ADCY7: variants seen among roughly 807,000 people sequenced by gnomAD.
ADCY7 encodes the protein adenylate cyclase 7, also known as adenylate cyclase type 7.
A neutral mutation model predicts 120.6 loss-of-function variants in ADCY7; 72 were observed. The ratio of observed to expected loss-of-function variants is 0.60; its 90% CI spans 0.49 to 0.73. The LOEUF is 0.73. Among genes scored for constraint, ADCY7 ranks in the 30% least tolerant of loss-of-function variants. The probability of loss-of-function intolerance (pLI) is 0.00; values close to 1 mark genes in which losing one functional copy is unlikely to be tolerated. For missense variants in ADCY7, 1,227 were observed against 1,486.0 expected, an observed-to-expected ratio of 0.83 and a Z score of 2.87; for synonymous variants, 661 against 628.0, an observed-to-expected ratio of 1.05 and a Z score of -0.78.
At chr16:50,257,450 G>A (rs1018035278) in intron 1 of ADCY7, among the ~76,000 whole-genome samples, 2 of 151,870 alleles carry the variant, frequency 1.3e-5, no homozygotes, top group African/African-American at 4.8e-5. Flanking sequence ...TTACTAAGAG[G>A]GTAATTTCAA....
chr16:50,294,785 G>A (rs1337664309), intron 7 of ADCY7, 34 bp downstream of exon 7: 1 of 1,510,106 alleles, frequency 6.6e-7, no homozygotes, highest in South Asian at 1.2e-5. Flanking sequence ...GCAAAGCCAG[G>A]CCCCTCCCCT....
At chr16:50,290,095 G>A (rs568599348) in intron 2 of ADCY7, among the ~76,000 whole-genome samples, 30 of 152,342 alleles carry the variant, frequency 2.0e-4, no homozygotes, top group African/African-American at 7.2e-4. Flanking sequence ...CTCTTTGGGC[G>A]GCTTTACAAG....
At chr16:50,299,466 C>T (rs729229) in intron 8 of ADCY7, among the ~76,000 whole-genome samples, 25 of 152,222 alleles carry the variant, frequency 1.6e-4, no homozygotes, top group Non-Finnish European at 2.6e-4. Flanking sequence ...GGAGACCCCC[C>T]GCTCCCCTCT....
chr16:50,312,761 C>G, intron 21 of ADCY7, 129 bp from the exon 22 acceptor site: 8 of 719,310 alleles, frequency 1.1e-5, no homozygotes, highest in East Asian at 4.1e-5. Context: ...TCATGCAGCC[C>G]GCCCCCCTCC....
intron 1 of ADCY7, chr16:50,274,009 C>T (rs566555428): frequency 1.0e-4 from 16 of 152,458 alleles, no homozygotes; most frequent in African/African-American, 3.6e-4. Context: ...GGTGGCAGCT[C>T]AGGTTGGCCC....
At position 50,316,538 on chromosome 16, in the gene ADCY7, G is replaced by GCTAA. The variant is rs1207753860; in HGVS notation, c.*1036_*1039dup. On this transcript the variant is annotated 3_prime_UTR_variant, in exon 26 of 26. Coordinates refer to ENST00000673801, the MANE Select transcript of ADCY7 (RefSeq NM_001114.5). ...TCTCTTCTTTCCTTTAGTCTTCACA[G>GCTAA]CTAACTCTGGAGAGCTTCAAAACTA... is the stretch of plus-strand genomic sequence containing the variant. 3.3e-5 allele frequency: 5 copies of GCTAA among 152,336 alleles called. No homozygotes were observed. Among genetic ancestry groups the GCTAA allele is most frequent in the Admixed American group, 6.5e-5 (1 of 15,286 alleles). The allele number at this position is 152,336 out of a possible 1,614,324, so 9.4% of individuals were successfully genotyped here. A position where few individuals can be genotyped will look rare whatever the true frequency, so the allele number is the denominator to read the frequency against.
intron 1 of ADCY7, among the ~76,000 whole-genome samples, chr16:50,275,836 G>A: frequency 6.6e-6 from 1 of 152,220 alleles, no homozygotes; most frequent in Admixed American, 6.5e-5. Context: ...TGGGCTTGGA[G>A]GTTAAGGTCC....
chr16:50,305,142 C>T (rs1371959533), intron 12 of ADCY7, among the ~76,000 whole-genome samples, 183 bp downstream of exon 12: 1 of 152,250 alleles, frequency 6.6e-6, no homozygotes, highest in Non-Finnish European at 1.5e-5. Flanking sequence ...GGCCCTTCTG[C>T]ATGGCCACAT....
In ADCY7 at chr16:50,314,345, C is replaced by T. The variant is rs766125018; in HGVS notation, c.2910C>T (p.Ala970=). The change falls in exon 24 of 26, where the codon GCC becomes GCT. Residue 970 remains alanine (A), a synonymous_variant. Coordinates refer to ENST00000673801, the MANE Select transcript of ADCY7 (RefSeq NM_001114.5). ...GTGTCATGGTGGAGTTCAGCATCGC[C>T]CTGATGAGTAAGCTGGACGGCATCA... ...HIGVMVEFSI[A]LMSKLDGINR... 2.5e-6 allele frequency: 4 copies of T among 1,614,042 alleles called. No individual in the cohort carries two copies. Among genetic ancestry groups the T allele is most frequent in the East Asian group, 4.5e-5 (2 of 44,880 alleles).
chr16:50,247,176 CAGTG>C (rs1187528565), intron 1 of ADCY7, among the ~76,000 whole-genome samples: 3 of 152,270 alleles, frequency 2.0e-5, no homozygotes, highest in Admixed American at 2.0e-4. Context: ...TTCTCAGGTT[CAGTG>C]AATGCCTTCA....
chr16:50,294,501 T>C (rs1326740505), intron 6 of ADCY7, 139 bp from the exon 7 acceptor site: 4 of 603,754 alleles, frequency 6.6e-6, no homozygotes, highest in Non-Finnish European at 1.2e-5. Flanking sequence ...CTCCCATCCC[T>C]ATGGAGGCTG....
At chr16:50,305,888 G>T in intron 14 of ADCY7, 39 bp downstream of exon 14, 3 of 1,602,376 alleles carry the variant, frequency 1.9e-6, no homozygotes, top group Non-Finnish European at 2.6e-6. Context: ...GAGGGACGGG[G>T]TCTCCAGGCC....
intron 1 of ADCY7, among the ~76,000 whole-genome samples, chr16:50,286,573 A>T (rs1390416171): frequency 6.6e-6 from 1 of 152,030 alleles, no homozygotes; most frequent in East Asian, 1.9e-4. Flanking sequence ...TGGGGGCCTG[A>T]TGCATGTCCC....
chr16:50,311,602 T>C (rs950857624), intron 19 of ADCY7, 91 bp from the exon 20 acceptor site: 5 of 906,036 alleles, frequency 5.5e-6, no homozygotes, highest in Admixed American at 1.8e-5. Context: ...TTTTCCCCTT[T>C]CCCCTGGGTG....
chr16:50,258,272 C>G (rs2032971494), intron 1 of ADCY7, among the ~76,000 whole-genome samples: 1 of 152,152 alleles, frequency 6.6e-6, no homozygotes, highest in African/African-American at 2.4e-5. Flanking sequence ...CGAATGAGGT[C>G]TGCATGATGA....
chr16:50,310,800 C>T lies in ADCY7; in HGVS notation c.2274C>T (p.Leu758=). 1.2e-6 allele frequency: 2 copies of T among 1,614,142 alleles called. No individual in the cohort carries two copies. The highest frequency in any genetic ancestry group is 1.7e-6 in the Non-Finnish European group (2 of 1,180,006). ...LTVALVAYLV[L]FNLSPCWQWD... Reference sequence around the variant, plus strand: ...TGGCCCTGGTGGCCTACCTGGTGCTCTTCAACCTCTCCCCATGCTGGCAGT... The same window carrying T: ...TGGCCCTGGTGGCCTACCTGGTGCTTTTCAACCTCTCCCCATGCTGGCAGT... Residue 758 remains leucine, a synonymous_variant, in exon 19 of 26, where the codon CTC becomes CTT. Transcript: ENST00000673801.
chr16:50,283,797 G>A (rs1414382680), intron 1 of ADCY7, among the ~76,000 whole-genome samples: 1 of 152,216 alleles, frequency 6.6e-6, no homozygotes, highest in Admixed American at 6.5e-5. Flanking sequence ...CCCATGCGGT[G>A]TGGGTGAGGG....
At chr16:50,304,297 C>A in intron 10 of ADCY7, 63 bp from the exon 11 acceptor site, 1 of 1,341,276 alleles carries the variant, frequency 7.5e-7, no homozygotes, top group Non-Finnish European at 9.6e-7. Flanking sequence ...ATGGGGATGG[C>A]GGCCCCTTCC....
chr16:50,315,127 G>C lies in ADCY7; in HGVS notation c.3085G>C (p.Gly1029Arg). 6.2e-7 allele frequency: 1 copy of C among 1,614,144 alleles called. No homozygotes were observed. The highest frequency in any genetic ancestry group is 8.5e-7 in the Non-Finnish European group (1 of 1,180,004). The change falls in exon 25 of 26, where the codon GGG becomes CGG. Residue 1029 changes from glycine (G) to arginine (R), a missense_variant. Physicochemically the swap from Gly to Arg is moderately radical, Grantham distance 125. Coordinates refer to ENST00000673801, the MANE Select transcript of ADCY7 (RefSeq NM_001114.5). Reference sequence around the variant, plus strand: ...CCGAATGGAAAGCACTGGAGAACTTGGGAAAATCCAGGTAAAGACCTATTG... The same window carrying C: ...CCGAATGGAAAGCACTGGAGAACTTCGGAAAATCCAGGTAAAGACCTATTG... The part of the protein sequence containing the change: ...ASRMESTGEL[G>R]KIQVTEETCT...
Sources: allele counts gnomAD v4.1 joint callset (sites outside exome capture counted in the v4.1 genomes callset), GRCh38; gene constraint gnomAD v4.1.1; transcripts MANE v1.5; gene names NCBI Gene and HGNC (gene_info 2026-07-23, HGNC 2026-07-21).